PRORP: variants seen among roughly 807,000 people sequenced by gnomAD.
PRORP encodes the protein mitochondrial ribonuclease P catalytic subunit.
In PRORP, 51 loss-of-function variants were observed where a neutral mutation model predicts 59.4. The ratio of observed to expected loss-of-function variants is 0.86; its 90% CI spans 0.69 to 1.08. The LOEUF (loss-of-function observed/expected upper bound fraction) is 1.08, where lower values mean the gene tolerates loss of function less well. Ranked by LOEUF, PRORP falls within the 50% of genes least tolerant of loss-of-function variation. PRORP has a pLI of 0.00. For missense variants in PRORP, 646 were observed against 690.3 expected, an observed-to-expected ratio of 0.94 and a Z score of 0.72; for synonymous variants, 231 against 245.6, an observed-to-expected ratio of 0.94 and a Z score of 0.55.
chr14:35,162,831 T>C (rs1300111520), intron 4 of PRORP, among the ~76,000 whole-genome samples: 1 of 152,160 alleles, frequency 6.6e-6, no homozygotes, highest in African/African-American at 2.4e-5. Flanking sequence ...TAGTTCCAAC[T>C]TAATTTCCTC....
At chr14:35,193,305 C>T (rs2048930027) in intron 5 of PRORP, among the ~76,000 whole-genome samples, 1 of 152,164 alleles carries the variant, frequency 6.6e-6, no homozygotes, top group Non-Finnish European at 1.5e-5. Flanking sequence ...TTATGGCTGA[C>T]ACCAGCACTG....
chr14:35,264,850 T>G lies in PRORP; in HGVS notation c.1276-1877T>G, dbSNP rs113744463. 3.9e-5 allele frequency among the ~76,000 whole-genome samples: 6 copies of G among 152,232 alleles called. 1 individual carries two copies. The highest frequency in any genetic ancestry group is 1.4e-4 in the African/African-American group (6 of 41,556). On this transcript the variant is annotated intron_variant, in intron 5 of 7. Coordinates refer to ENST00000534898, the MANE Select transcript of PRORP (RefSeq NM_014672.4). ...AAAATTAGCCAGGCATGATGGCGTG[T>G]GCCTGTAGTCCCACCTACTCTGGAA...
chr14:35,246,093 A>G (rs2050476158), intron 5 of PRORP, among the ~76,000 whole-genome samples: 2 of 152,094 alleles, frequency 1.3e-5, no homozygotes, highest in Admixed American at 1.3e-4. Flanking sequence ...TATCTTTTGT[A>G]TATGATCTGC....
At chr14:35,182,613 C>A (rs1277676264) in intron 5 of PRORP, among the ~76,000 whole-genome samples, 1 of 152,148 alleles carries the variant, frequency 6.6e-6, no homozygotes, top group East Asian at 1.9e-4. Context: ...CCATTGCACT[C>A]CAGCCTGGGC....
chr14:35,225,594 A>C (rs1369409432), intron 5 of PRORP, among the ~76,000 whole-genome samples: 3 of 151,810 alleles, frequency 2.0e-5, no homozygotes, highest in African/African-American at 7.3e-5. Flanking sequence ...TGATCCACCC[A>C]CCTTGGCCTC....
At chr14:35,186,920 C>T (rs2048757130) in intron 5 of PRORP, among the ~76,000 whole-genome samples, 1 of 152,106 alleles carries the variant, frequency 6.6e-6, no homozygotes, top group Admixed American at 6.6e-5. Context: ...TTTACCTATT[C>T]CAGACATTTC....
In PRORP at chr14:35,266,820, C is replaced by T. The variant is rs978666601; in HGVS notation, c.1369C>T (p.Arg457Trp). Residue 457 changes from arginine to tryptophan, a missense_variant, in exon 6 of 8, where the codon CGG becomes TGG. Transcript: ENST00000534898. The stretch of plus-strand genomic sequence containing the variant: ...GCTAAGACGGAGTTCCCAGTGGAGT[C>T]GGGATGAGATGGAAGAGGTGCAAAA... ...HMLRRSSQWS[R>W]DEMEEVQKQA... The T allele has an allele frequency of 5.0e-6, 8 of 1,613,938 alleles. No homozygotes were observed. The highest frequency in any genetic ancestry group is 2.7e-5 in the African/African-American group (2 of 74,872).
At chr14:35,217,431 G>A (rs1301890958) in intron 5 of PRORP, among the ~76,000 whole-genome samples, 2 of 150,044 alleles carry the variant, frequency 1.3e-5, no homozygotes, top group Non-Finnish European at 2.9e-5. Context: ...AACCTGGGAG[G>A]CAAAGGTTGA....
rs568450427 is a variant in PRORP, at chr14:35,188,122, G to A, written c.1275+7345G>A. 1.1e-4 allele frequency among the ~76,000 whole-genome samples: 16 copies of A among 150,332 alleles called. No homozygotes were observed. In the East Asian group the frequency reaches 1.6e-3, roughly 15 times the overall value. ...GTGGGGCTTATGGGCATGAGCTACC[G>A]TGCCTGGCCAGAAATGTCTATTTCT... On this transcript the variant is annotated intron_variant, in intron 5 of 7. Coordinates refer to ENST00000534898, the MANE Select transcript of PRORP (RefSeq NM_014672.4).
At chr14:35,193,004 A>T (rs912943973) in intron 5 of PRORP, among the ~76,000 whole-genome samples, 5 of 150,404 alleles carry the variant, frequency 3.3e-5, no homozygotes, top group South Asian at 2.1e-4. Context: ...AAGAAAAAGG[A>T]TATGAAGTGG....
chr14:35,145,850 C>CA (rs1222299779), intron 4 of PRORP, among the ~76,000 whole-genome samples: 37 of 61,278 alleles, frequency 6.0e-4, no homozygotes, highest in African/African-American at 2.3e-3. Flanking sequence ...TTTTTTGAGA[C>CA]AGAGTTTTGT....
chr14:35,161,243 C>T (rs1050864005), intron 4 of PRORP, among the ~76,000 whole-genome samples: 8 of 152,200 alleles, frequency 5.3e-5, no homozygotes, highest in African/African-American at 1.9e-4. Flanking sequence ...AGACTTTTTA[C>T]AGTCAAATCA....
chr14:35,157,025 G>A (rs1187871342), intron 4 of PRORP, among the ~76,000 whole-genome samples: 2 of 143,830 alleles, frequency 1.4e-5, no homozygotes, highest in South Asian at 4.3e-4. Flanking sequence ...GCTCCATCTC[G>A]GCTCACTGCA....
intron 5 of PRORP, among the ~76,000 whole-genome samples, chr14:35,182,860 C>G (rs1369674231): frequency 1.3e-5 from 2 of 152,086 alleles, no homozygotes; most frequent in African/African-American, 4.8e-5. Context: ...ATCTAAAATA[C>G]TGAAATTCTG....
intron 4 of PRORP, among the ~76,000 whole-genome samples, chr14:35,176,803 C>T (rs188886446): frequency 6.6e-6 from 1 of 152,282 alleles, no homozygotes; most frequent in Admixed American, 6.5e-5. Flanking sequence ...TGAGAGAGGG[C>T]ATCCCTGTCT....
chr14:35,251,700 G>T (rs771966694), intron 5 of PRORP, among the ~76,000 whole-genome samples: 2 of 151,912 alleles, frequency 1.3e-5, no homozygotes, highest in Admixed American at 6.6e-5. Flanking sequence ...GATTACAGGC[G>T]CCCACCACCG....
intron 6 of PRORP, among the ~76,000 whole-genome samples, chr14:35,269,152 T>C (rs2051123276): frequency 6.6e-6 from 1 of 152,206 alleles, no homozygotes; most frequent in Non-Finnish European, 1.5e-5. Flanking sequence ...TCTCTCTGTC[T>C]TCCTTATCTC....
intron 5 of PRORP, among the ~76,000 whole-genome samples, chr14:35,245,768 C>T (rs1452298673): frequency 1.3e-5 from 2 of 152,198 alleles, no homozygotes; most frequent in Non-Finnish European, 1.5e-5. Flanking sequence ...AGCAATCATC[C>T]TGGGATCTCC....
At chr14:35,237,127 C>G (rs761044454) in intron 5 of PRORP, among the ~76,000 whole-genome samples, 9 of 150,446 alleles carry the variant, frequency 6.0e-5, no homozygotes, top group Non-Finnish European at 4.4e-5. Context: ...GAGTCTTGCT[C>G]TGTCACCCAG....
Sources: gnomAD v4.1 joint callset for allele counts (sites outside exome capture counted in the v4.1 genomes callset) on GRCh38, gnomAD v4.1.1 for gene constraint, MANE v1.5 for transcripts, NCBI Gene and HGNC (gene_info 2026-07-23, HGNC 2026-07-21) for gene names.